The following RASEF variants were observed in gnomAD, a reference collection of about 807,000 sequenced individuals.
RASEF encodes the protein ras and EF-hand domain-containing protein.
RASEF carries 68 observed loss-of-function variants against 90.1 expected under a neutral mutation model. The observed-to-expected ratio is 0.75, with a 90% CI of 0.62 to 0.92. RASEF has a LOEUF of 0.92. RASEF is among the 40% of genes least tolerant of loss of function. The pLI is 0.00. For missense variants in RASEF, 949 were observed against 937.2 expected, an observed-to-expected ratio of 1.01 and a Z score of -0.16; for synonymous variants, 331 against 345.2, an observed-to-expected ratio of 0.96 and a Z score of 0.46.
At chr9:83,171,333 AT>A in the RASEF span, among the ~76,000 whole-genome samples, 1 of 151,882 alleles carries the variant, frequency 6.6e-6, no homozygotes, top group African/African-American at 2.4e-5. Context: ...ATTTGCTGGT[AT>A]TTTATTGAAG....
the RASEF span, among the ~76,000 whole-genome samples, chr9:83,161,800 G>A: frequency 5.5e-3 from 835 of 151,950 alleles, 6 homozygotes; most frequent in African/African-American, 0.019. Context: ...TTATGGGGGC[G>A]GGTCTTTCCT....
chr9:83,197,231 TGG>T, the RASEF span, among the ~76,000 whole-genome samples: 113 of 152,356 alleles, frequency 7.4e-4, no homozygotes, highest in Non-Finnish European at 1.4e-3. Context: ...GAGGTTATTA[TGG>T]GCATGTTGAT....
At chr9:83,136,144 C>A in the RASEF span, among the ~76,000 whole-genome samples, 1 of 152,020 alleles carries the variant, frequency 6.6e-6, no homozygotes, top group African/African-American at 2.4e-5. Flanking sequence ...CTACCACCCT[C>A]ATAAACCTGC....
the RASEF span, among the ~76,000 whole-genome samples, chr9:83,070,910 A>T: frequency 1.3e-5 from 2 of 152,186 alleles, no homozygotes; most frequent in East Asian, 3.9e-4. Context: ...CTTTAATTTC[A>T]ATCTCCAATT....
At chr9:83,038,558 T>C (rs1056324729) in intron 1 of RASEF, among the ~76,000 whole-genome samples, 2 of 152,178 alleles carry the variant, frequency 1.3e-5, no homozygotes, top group African/African-American at 2.4e-5. Context: ...GAGATAGATA[T>C]AGAATTAACA....
chr9:83,158,771 C>CTT, the RASEF span, among the ~76,000 whole-genome samples: 3 of 139,474 alleles, frequency 2.2e-5, no homozygotes. Flanking sequence ...TATATACACA[C>CTT]ATATGAATAT....
chr9:83,036,724 T>C (rs537208882), intron 1 of RASEF, among the ~76,000 whole-genome samples: 1 of 152,246 alleles, frequency 6.6e-6, no homozygotes, highest in South Asian at 2.1e-4. Flanking sequence ...AAAGGGACTT[T>C]AGGGAAAAAC....
Position 82,979,670 on chromosome 9 carries a change from TACA to T in RASEF, c.*3004_*3006del, listed in dbSNP as rs1281439681. The T allele has an allele frequency of 6.6e-6, 1 of 152,212 alleles. No homozygotes were observed. Among genetic ancestry groups the T allele is most frequent in the African/African-American group, 2.4e-5 (1 of 41,444 alleles). The allele number at this position is 152,212 out of a possible 1,614,324, so 9.4% of individuals were successfully genotyped here. A position where few individuals can be genotyped will look rare whatever the true frequency, so the allele number is the denominator to read the frequency against. ...TAGACATTTGCATTGCTATAAAAAT[TACA>T]CTTTATGGTATAATTATTAAGGTTT... On this transcript the variant is annotated 3_prime_UTR_variant, in exon 17 of 17. Transcript: ENST00000376447.
the RASEF span, among the ~76,000 whole-genome samples, chr9:83,116,661 T>G: frequency 6.6e-6 from 1 of 152,210 alleles, no homozygotes; most frequent in African/African-American, 2.4e-5. Flanking sequence ...CTGACCATCA[T>G]GGCCCACACT....
At chr9:83,016,052 T>C (rs755714302) in intron 3 of RASEF, 152 bp from the exon 4 acceptor site, 55 of 623,298 alleles carry the variant, frequency 8.8e-5, no homozygotes, top group East Asian at 6.6e-4. Context: ...AGGAAACCAA[T>C]TGACTTCAGA....
At chr9:83,096,594 C>T in the RASEF span, among the ~76,000 whole-genome samples, 1 of 151,978 alleles carries the variant, frequency 6.6e-6, no homozygotes, top group East Asian at 1.9e-4. Context: ...TGAGCTGATC[C>T]CTCACCTACA....
the RASEF span, among the ~76,000 whole-genome samples, chr9:83,079,427 T>A: frequency 2.6e-5 from 4 of 152,210 alleles, no homozygotes; most frequent in Non-Finnish European, 4.4e-5. Context: ...ACCAGTACCA[T>A]GACGTTTTGG....
At chr9:83,044,065 C>G (rs377709531) in intron 1 of RASEF, among the ~76,000 whole-genome samples, 1 of 152,308 alleles carries the variant, frequency 6.6e-6, no homozygotes, top group East Asian at 1.9e-4. Flanking sequence ...CTGTTAGTAA[C>G]TTCCAACTCG....
the RASEF span, among the ~76,000 whole-genome samples, chr9:83,200,264 C>T: frequency 6.6e-6 from 1 of 151,852 alleles, no homozygotes; most frequent in Non-Finnish European, 1.5e-5. Context: ...GGTGTAGTGG[C>T]GGTTGCCTGT....
chr9:83,213,231 C>A, the RASEF span, among the ~76,000 whole-genome samples: 1 of 151,746 alleles, frequency 6.6e-6, no homozygotes, highest in Non-Finnish European at 1.5e-5. Context: ...GAAACCCCAT[C>A]TCTACTAAAA....
chr9:83,000,063 A>G (rs921071003), intron 12 of RASEF, 106 bp downstream of exon 12: 2 of 1,003,236 alleles, frequency 2.0e-6, no homozygotes, highest in African/African-American at 3.2e-5. Context: ...ATACACAGAG[A>G]AAGAGAAAAC....
chr9:83,196,989 T>C, the RASEF span, among the ~76,000 whole-genome samples: 1 of 152,202 alleles, frequency 6.6e-6, no homozygotes, highest in Admixed American at 6.5e-5. Context: ...AAAGAGCTCT[T>C]CTTCTGTACT....
chr9:83,078,353 T>C, the RASEF span, among the ~76,000 whole-genome samples: 17 of 152,118 alleles, frequency 1.1e-4, no homozygotes, highest in Non-Finnish European at 2.4e-4. Flanking sequence ...CTTGAGCTGT[T>C]TCTTGTAAAC....
At chr9:83,066,740 G>A (rs893761686), upstream of RASEF, among the ~76,000 whole-genome samples, 1 of 152,314 alleles carries the variant, frequency 6.6e-6, no homozygotes, top group South Asian at 2.1e-4. Flanking sequence ...AAATAATTTT[G>A]TGATCAGATA....
Sources: allele counts gnomAD v4.1 joint callset (sites outside exome capture counted in the v4.1 genomes callset), GRCh38; gene constraint gnomAD v4.1.1; transcripts MANE v1.5; gene names NCBI Gene and HGNC (gene_info 2026-07-23, HGNC 2026-07-21).